COP1: variants seen among roughly 807,000 people sequenced by gnomAD.
The protein encoded by COP1 is E3 ubiquitin-protein ligase COP1.
COP1 carries 24 observed loss-of-function variants against 101.3 expected under a neutral mutation model. That is an observed-to-expected ratio of 0.24 (90% CI 0.17 to 0.33). COP1 has a LOEUF of 0.33. Among genes scored for constraint, COP1 ranks in the 10% least tolerant of loss-of-function variants. COP1 has a pLI of 1.00. For missense variants in COP1, 663 were observed against 906.2 expected (o/e 0.73, Z 3.45); for synonymous variants, 347 against 341.9 (o/e 1.01, Z -0.17).
Position 175,945,042 on chromosome 1 carries a change from C to A in COP1, c.*111G>T. On this transcript the variant is annotated 3_prime_UTR_variant, in exon 20 of 20. Coordinates refer to ENST00000367669, the MANE Select transcript of COP1 (RefSeq NM_022457.7). ...AAAATATTCAAAACAAATCCAAAAC[C>A]CATGATGACTTTGGGGAGAGACATC... 1 of 850,864 alleles carries A rather than the reference C, an allele frequency of 1.2e-6. No homozygotes were observed. The highest frequency in any genetic ancestry group is 1.9e-6 in the Non-Finnish European group (1 of 524,176). 52.7% of individuals were successfully genotyped at this position (850,864 alleles called of 1,614,324 possible). A position where few individuals can be genotyped will look rare whatever the true frequency, so the allele number is the denominator to read the frequency against.
intron 15 of COP1, among the ~76,000 whole-genome samples, chr1:176,000,193 GAGATTTCCCCC>G (rs1355054736): frequency 6.6e-6 from 1 of 152,022 alleles, no homozygotes; most frequent in East Asian, 1.9e-4. Flanking sequence ...CAAAGTACTG[GAGATTTCCCCC>G]AGTGTTTTCT....
At chr1:176,084,213 C>T (rs1382681252) in intron 10 of COP1, among the ~76,000 whole-genome samples, 1 of 152,186 alleles carries the variant, frequency 6.6e-6, no homozygotes, top group Non-Finnish European at 1.5e-5. Flanking sequence ...GGGCTACTTT[C>T]AACTTAACAA....
intron 15 of COP1, among the ~76,000 whole-genome samples, chr1:176,006,183 T>C (rs1177044443): frequency 6.6e-6 from 1 of 152,020 alleles, no homozygotes; most frequent in Non-Finnish European, 1.5e-5. Flanking sequence ...CTGCCTTTTT[T>C]TGTTTTCCAT....
intron 9 of COP1, among the ~76,000 whole-genome samples, chr1:176,097,303 C>G (rs1682575306): frequency 6.6e-6 from 1 of 152,116 alleles, no homozygotes; most frequent in South Asian, 2.1e-4. Flanking sequence ...GAAGAGACCT[C>G]TGTTTTCCTC....
intron 18 of COP1, among the ~76,000 whole-genome samples, chr1:175,952,109 T>C (rs953226078): frequency 1.3e-5 from 2 of 151,878 alleles, no homozygotes; most frequent in East Asian, 1.9e-4. Flanking sequence ...CAGAAGACAA[T>C]AGGACAGCAT....
chr1:176,100,270 TC>T, intron 9 of COP1: 1 of 232,932 alleles, frequency 4.3e-6, no homozygotes, highest in Non-Finnish European at 9.0e-6. Context: ...GCGCCGGTAA[TC>T]CCAGCTACTT....
chr1:176,023,718 CAAAAAA>C (rs759455090), intron 15 of COP1, among the ~76,000 whole-genome samples: 2 of 122,092 alleles, frequency 1.6e-5, no homozygotes, highest in Non-Finnish European at 1.6e-5. Context: ...AACTCCATCT[CAAAAAA>C]AAAAAAAAAA....
chr1:176,114,736 T>C (rs1291866056), intron 9 of COP1, among the ~76,000 whole-genome samples: 3 of 152,158 alleles, frequency 2.0e-5, no homozygotes, highest in Admixed American at 1.3e-4. Flanking sequence ...CACAAGCACA[T>C]GCCACCATAC....
Position 175,950,433 on chromosome 1 carries a change from G to A in COP1, c.2134-3194C>T, listed in dbSNP as rs149936758. Among the ~76,000 whole-genome samples the A allele has an allele frequency of 2.6e-3, 397 of 152,040 alleles. 3 individuals are homozygous for A. Among genetic ancestry groups the A allele is most frequent in the African/African-American group, 9.1e-3 (379 of 41,474 alleles). ...TTTTTTGCATGCAACAGAAAAATAAGACCAGATATTTTACTTCTAGCATAG... is the reference window on the plus strand; with the variant it reads ...TTTTTTGCATGCAACAGAAAAATAAAACCAGATATTTTACTTCTAGCATAG... On this transcript the variant is annotated intron_variant, in intron 18 of 19. Transcript: ENST00000367669.
intron 11 of COP1, among the ~76,000 whole-genome samples, chr1:176,053,986 G>A (rs1200884379): frequency 6.6e-6 from 1 of 151,970 alleles, no homozygotes; most frequent in African/African-American, 2.4e-5. Context: ...ATGTTCTCTG[G>A]TCTCATTTTA....
chr1:176,071,267 C>T (rs1398523877), intron 11 of COP1, among the ~76,000 whole-genome samples: 3 of 151,996 alleles, frequency 2.0e-5, no homozygotes, highest in African/African-American at 7.2e-5. Flanking sequence ...TGTGACTTGC[C>T]TGCTCCCACT....
At chr1:176,022,575 G>A (rs907831761) in intron 15 of COP1, among the ~76,000 whole-genome samples, 2 of 152,094 alleles carry the variant, frequency 1.3e-5, no homozygotes, top group African/African-American at 4.8e-5. Flanking sequence ...TTTAAAAAAT[G>A]TTTCAATTCT....
chr1:176,139,821 A>C (rs900402609), intron 6 of COP1, among the ~76,000 whole-genome samples: 1 of 152,180 alleles, frequency 6.6e-6, no homozygotes, highest in Non-Finnish European at 1.5e-5. Flanking sequence ...GAAGGAAGAA[A>C]GGGTTGAAGA....
At chr1:176,085,658 A>G (rs1680003230) in intron 10 of COP1, 118 bp downstream of exon 10, 2 of 499,108 alleles carry the variant, frequency 4.0e-6, no homozygotes, top group Non-Finnish European at 7.4e-6. Context: ...CTGGTAGACT[A>G]TGTCAAAAAT....
intron 3 of COP1, among the ~76,000 whole-genome samples, chr1:176,169,260 T>C (rs1429758698): frequency 2.0e-5 from 3 of 152,190 alleles, no homozygotes; most frequent in Non-Finnish European, 4.4e-5. Context: ...ACCACACACC[T>C]TGGTAAACGG....
intron 8 of COP1, among the ~76,000 whole-genome samples, chr1:176,118,602 T>A (rs1424214160): frequency 6.6e-6 from 1 of 152,034 alleles, no homozygotes; most frequent in Non-Finnish European, 1.5e-5. Context: ...GTTTTCTACA[T>A]ATAATTAGCT....
intron 1 of COP1, among the ~76,000 whole-genome samples, chr1:176,205,184 G>A (rs1354855741): frequency 2.6e-5 from 4 of 152,150 alleles, no homozygotes; most frequent in Non-Finnish European, 5.9e-5. Context: ...ACTAAATTAT[G>A]CACACCCCAC....
At chr1:176,052,617 T>C (rs1482185839) in intron 11 of COP1, among the ~76,000 whole-genome samples, 1 of 152,118 alleles carries the variant, frequency 6.6e-6, no homozygotes, top group Non-Finnish European at 1.5e-5. Context: ...CATATTTCAT[T>C]AAAAAAATTT....
At chr1:175,948,648 C>T (rs1426621403) in intron 18 of COP1, among the ~76,000 whole-genome samples, 1 of 152,180 alleles carries the variant, frequency 6.6e-6, no homozygotes, top group Non-Finnish European at 1.5e-5. Context: ...TCTAATAAAG[C>T]TGCTCTTCAG....
Sources: gnomAD v4.1 joint callset for allele counts (sites outside exome capture counted in the v4.1 genomes callset) on GRCh38, gnomAD v4.1.1 for gene constraint, MANE v1.5 for transcripts, NCBI Gene and HGNC (gene_info 2026-07-23, HGNC 2026-07-21) for gene names.